ZNF526: variants seen among roughly 807,000 people sequenced by gnomAD.
ZNF526 encodes the protein zinc finger protein 526.
ZNF526 carries 16 observed loss-of-function variants against 32.4 expected under a neutral mutation model. The ratio of observed to expected loss-of-function variants is 0.49; its 90% CI spans 0.33 to 0.75. ZNF526 has a LOEUF of 0.75. Ranked by LOEUF, ZNF526 falls within the 30% of genes least tolerant of loss-of-function variation. The pLI is 0.02. For synonymous variants in ZNF526, 355 were observed against 363.4 expected (o/e 0.98, Z 0.26); for missense variants, 838 against 920.7 (o/e 0.91, Z 1.16).
Position 42,225,687 on chromosome 19 carries a change from G to GCCCCCCC in ZNF526, c.1287_1288insCCCCCCC (p.Thr430ProfsTer42). The GCCCCCCC allele has an allele frequency of 1.9e-6, 3 of 1,610,608 alleles. No individual in the cohort carries two copies. The highest frequency in any genetic ancestry group is 1.1e-5 in the South Asian group (1 of 90,962). ...CAACAGCTCCCCCAGCTCCAGCGGAGCCCACCCCTCCACCACCACCCCCTG... is the reference window on the plus strand; with the variant it reads ...CAACAGCTCCCCCAGCTCCAGCGGAGCCCCCCCCCCACCCCTCCACCACCACCCCCTG... On this transcript the variant is annotated frameshift_variant, in exon 3 of 3. Coordinates refer to ENST00000301215, the MANE Select transcript of ZNF526 (RefSeq NM_133444.3). LOFTEE classifies it high-confidence loss of function.
At position 42,225,210 on chromosome 19, in the gene ZNF526, T is replaced by C; in HGVS notation, c.807T>C (p.Ala269=). 2 of 1,614,188 alleles carry C rather than the reference T, an allele frequency of 1.2e-6. No individual in the cohort carries two copies. The highest frequency in any genetic ancestry group is 4.5e-5 in the East Asian group (2 of 44,884). ...CTGTGGGAGGTGACGAGTCCACAGC[T>C]GGCTGGGCTCAGGGCTGCGGGGACT... ...DDAVGGDEST[A]GWAQGCGDCP... The change falls in exon 3 of 3, where the codon GCT becomes GCC. Residue 269 remains alanine (A), a synonymous_variant. Coordinates refer to ENST00000301215, the MANE Select transcript of ZNF526 (RefSeq NM_133444.3).
At position 42,225,052 on chromosome 19, in the gene ZNF526, G is replaced by T; in HGVS notation, c.649G>T (p.Gly217Cys). 1 of 1,614,190 alleles carries T rather than the reference G, an allele frequency of 6.2e-7. No individual in the cohort carries two copies. Among genetic ancestry groups the T allele is most frequent in the Non-Finnish European group, 8.5e-7 (1 of 1,180,024 alleles). Residue 217 changes from glycine (G) to cysteine (C), a missense_variant, in exon 3 of 3, where the codon GGC becomes TGC. Gly to Cys is a radical substitution (Grantham distance 159). Transcript: ENST00000301215. ...CCCTGAGGAGTTCTTGGAGCATCAG[G>T]GCACCCACTTTGACTCCCTAGAGAA... ...ATPEEFLEHQ[G>C]THFDSLEKEE...
At chr19:42,223,235 G>A (rs1350889865) in intron 1 of ZNF526, among the ~76,000 whole-genome samples, 1 of 152,236 alleles carries the variant, frequency 6.6e-6, no homozygotes, top group African/African-American at 2.4e-5. Flanking sequence ...TGGGCCGGGT[G>A]TGGTGGCTCA....
intron 1 of ZNF526, among the ~76,000 whole-genome samples, chr19:42,223,813 C>T (rs1419465288): frequency 2.0e-5 from 2 of 97,910 alleles, no homozygotes; most frequent in African/African-American, 3.8e-5. Flanking sequence ...AAGAGTCCAT[C>T]TCAAAAAAAA....
chr19:42,224,765 G>C lies in ZNF526; in HGVS notation c.362G>C (p.Gly121Ala). ...TGCAGCCAGCTCATCCTCTCCCCTG[G>C]GGAGCTCCTGGCCCACCAGGATGCC... ...GECSQLILSPGELLAHQDAHL... is the reference protein window; with the variant it reads ...GECSQLILSPAELLAHQDAHL... The change falls in exon 3 of 3, where the codon GGG becomes GCG. Residue 121 changes from glycine (G) to alanine (A), a missense_variant. By Grantham distance (60) the Gly-to-Ala change is moderately conservative (BLOSUM62 0). Coordinates refer to ENST00000301215, the MANE Select transcript of ZNF526 (RefSeq NM_133444.3). The C allele has an allele frequency of 6.2e-7, 1 of 1,613,980 alleles. No individual in the cohort carries two copies. Among genetic ancestry groups the C allele is most frequent in the East Asian group, 2.2e-5 (1 of 44,884 alleles).
rs986845282 is a variant in ZNF526 at position 42,227,549 on chromosome 19, G to A, written c.*1133G>A. Reference sequence around the variant, plus strand: ...CGAGGCGGGCAGATCACGAGGTCAGGAGATCGAGACCATCCTGGCTAACAC... The same window carrying A: ...CGAGGCGGGCAGATCACGAGGTCAGAAGATCGAGACCATCCTGGCTAACAC... On this transcript the variant is annotated 3_prime_UTR_variant, in exon 3 of 3. Transcript: ENST00000301215. 2 of 163,912 alleles carry A rather than the reference G, an allele frequency of 1.2e-5. No individual in the cohort carries two copies. Among genetic ancestry groups the A allele is most frequent in the South Asian group, 4.2e-4 (2 of 4,808 alleles). 10.2% of individuals were successfully genotyped at this position (163,912 alleles called of 1,614,324 possible). A position where few individuals can be genotyped will look rare whatever the true frequency, so the allele number is the denominator to read the frequency against.
rs114732468 is a variant in ZNF526, at chr19:42,226,857, T to C, written c.*441T>C. ...GCACCCAGGACTTTGCTCTGCCTGG[T>C]GGAGGGTACTTGATTTCTCTGGGCT... On this transcript the variant is annotated 3_prime_UTR_variant, in exon 3 of 3. Coordinates refer to ENST00000301215, the MANE Select transcript of ZNF526 (RefSeq NM_133444.3). 3.9e-4 allele frequency: 112 copies of C among 284,248 alleles called. No homozygotes were observed. The highest frequency in any genetic ancestry group is 2.4e-3 in the African/African-American group (108 of 45,598). The allele number at this position is 284,248 out of a possible 1,614,324, so 17.6% of individuals were successfully genotyped here. A position where few individuals can be genotyped will look rare whatever the true frequency, so the allele number is the denominator to read the frequency against.
intron 1 of ZNF526, among the ~76,000 whole-genome samples, chr19:42,221,408 G>A (rs1363442496): frequency 6.6e-6 from 1 of 152,130 alleles, no homozygotes; most frequent in Non-Finnish European, 1.5e-5. Context: ...CATGGTGGGT[G>A]GATTTCTTGA....
rs769095866 is a variant in ZNF526, at chr19:42,226,928, C to T, written c.*512C>T. Reference sequence around the variant, plus strand: ...AGTGTGGAAGGAAATCTGTAGGTACCCAGGTCCTCAGCTCCAGACTGGGTG... The same window carrying T: ...AGTGTGGAAGGAAATCTGTAGGTACTCAGGTCCTCAGCTCCAGACTGGGTG... On this transcript the variant is annotated 3_prime_UTR_variant, in exon 3 of 3. Coordinates refer to ENST00000301215, the MANE Select transcript of ZNF526 (RefSeq NM_133444.3). 2.1e-5 allele frequency: 5 copies of T among 237,490 alleles called. No homozygotes were observed. The highest frequency in any genetic ancestry group is 3.6e-5 in the Non-Finnish European group (4 of 110,496). 14.7% of individuals were successfully genotyped at this position (237,490 alleles called of 1,614,324 possible). A position where few individuals can be genotyped will look rare whatever the true frequency, so the allele number is the denominator to read the frequency against.
rs1053469779 is a variant in ZNF526 at position 42,227,685 on chromosome 19, G to A, written c.*1269G>A. On this transcript the variant is annotated 3_prime_UTR_variant, in exon 3 of 3. Transcript: ENST00000301215. ...GAGGCAGGAGAATGGCGTGAACCCGGGAGGCGGAGCTTGCAGTGAGCCGAG... is the reference window on the plus strand; with the variant it reads ...GAGGCAGGAGAATGGCGTGAACCCGAGAGGCGGAGCTTGCAGTGAGCCGAG... 6.6e-6 allele frequency: 1 copy of A among 151,800 alleles called. No individual in the cohort carries two copies. Among genetic ancestry groups the A allele is most frequent in the African/African-American group, 2.4e-5 (1 of 41,280 alleles). 9.4% of individuals were successfully genotyped at this position (151,800 alleles called of 1,614,324 possible). A position where few individuals can be genotyped will look rare whatever the true frequency, so the allele number is the denominator to read the frequency against.
chr19:42,225,091 G>A lies in ZNF526; in HGVS notation c.688G>A (p.Gly230Arg). 2 of 1,614,222 alleles carry A rather than the reference G, an allele frequency of 1.2e-6. No homozygotes were observed. The highest frequency in any genetic ancestry group is 1.7e-6 in the Non-Finnish European group (2 of 1,180,032). The change falls in exon 3 of 3, where the codon GGG becomes AGG. Residue 230 changes from glycine (G) to arginine (R), a missense_variant. Transcript: ENST00000301215. ...CTCCCTAGAGAAAGAGGAGCGCAAT[G>A]GGTTGGAGGAGGAGGAAGAGGACGA... ...FDSLEKEERN[G>R]LEEEEEDDEE...
At chr19:42,223,764 C>G (rs2036144116) in intron 1 of ZNF526, among the ~76,000 whole-genome samples, 1 of 146,758 alleles carries the variant, frequency 6.8e-6, no homozygotes, top group Non-Finnish European at 1.5e-5. Context: ...TTGTAGTGAG[C>G]CGAGATTGCG....
Position 42,224,602 on chromosome 19 carries a change from A to G in ZNF526, c.199A>G (p.Asn67Asp). Residue 67 changes from asparagine to aspartate, a missense_variant, in exon 3 of 3, where the codon AAC becomes GAC. Coordinates refer to ENST00000301215, the MANE Select transcript of ZNF526 (RefSeq NM_133444.3). ...GTGCTCTGAGTGTGGCAGCCTCTAT[A>G]ACACACTGGAGGAAGTCCTCTCACA... ...FMCSECGSLY[N>D]TLEEVLSHQE... The G allele has an allele frequency of 1.9e-6, 3 of 1,614,168 alleles. No homozygotes were observed. The highest frequency in any genetic ancestry group is 2.5e-6 in the Non-Finnish European group (3 of 1,180,022).
At chr19:42,222,887 C>A (rs961717935) in intron 1 of ZNF526, among the ~76,000 whole-genome samples, 39 of 150,696 alleles carry the variant, frequency 2.6e-4, no homozygotes, top group Non-Finnish European at 4.8e-4. Context: ...GGAATAGCAA[C>A]ATCAAAGACT....
Position 42,226,495 on chromosome 19 carries a change from G to T in ZNF526, c.*79G>T. The T allele has an allele frequency of 6.3e-7, 1 of 1,598,916 alleles. No individual in the cohort carries two copies. The highest frequency in any genetic ancestry group is 1.1e-5 in the South Asian group (1 of 90,134). The stretch of plus-strand genomic sequence containing the variant: ...CCTCTGGGGAGAGAGGACCTCCTCT[G>T]ACAAACTGGTCTGGTACCCACCATG... On this transcript the variant is annotated 3_prime_UTR_variant, in exon 3 of 3. Coordinates refer to ENST00000301215, the MANE Select transcript of ZNF526 (RefSeq NM_133444.3).
rs1283724431 is a variant in ZNF526, at chr19:42,225,236, G to A, written c.833G>A (p.Cys278Tyr). ...TAGWAQGCGD[C>Y]PQHQPSAGAR... The stretch of plus-strand genomic sequence containing the variant: ...GGCTGGGCTCAGGGCTGCGGGGACT[G>A]TCCCCAGCACCAGCCCTCAGCAGGG... The change falls in exon 3 of 3, where the codon TGT (cysteine) becomes TAT (tyrosine). Residue 278 changes from cysteine (C) to tyrosine (Y), a missense_variant. By Grantham distance (194) the Cys-to-Tyr change is radical. Transcript: ENST00000301215. The A allele has an allele frequency of 6.2e-7, 1 of 1,614,012 alleles. No homozygotes were observed. The highest frequency in any genetic ancestry group is 1.3e-5 in the African/African-American group (1 of 74,946).
rs1177162575 is a variant in ZNF526, at chr19:42,225,867, C to T, written c.1464C>T (p.Arg488=). 1.9e-6 allele frequency: 3 copies of T among 1,614,214 alleles called. No individual in the cohort carries two copies. The South Asian group carries it at 3.3e-5, about 18-fold the overall frequency. The part of the protein sequence containing the change: ...GKGFKKLIHV[R]NHLRTHTGER... ...GCTTCAAGAAGCTGATCCACGTGCG[C>T]AACCACCTGCGGACACACACGGGTG... Residue 488 remains arginine, a synonymous_variant, in exon 3 of 3, where the codon CGC becomes CGT. Transcript: ENST00000301215.
At position 42,225,261 on chromosome 19, in the gene ZNF526, G is replaced by T. The variant is rs2036163952; in HGVS notation, c.858G>T (p.Gly286=). ...GTCCCCAGCACCAGCCCTCAGCAGG[G>T]GCTCGCCGGCAACACCGGCGGACGG... ...GDCPQHQPSA[G]ARRQHRRTAH... Residue 286 remains glycine (G), a synonymous_variant, in exon 3 of 3, where the codon GGG becomes GGT. Coordinates refer to ENST00000301215, the MANE Select transcript of ZNF526 (RefSeq NM_133444.3). 6.2e-7 allele frequency: 1 copy of T among 1,613,492 alleles called. No homozygotes were observed. Among genetic ancestry groups the T allele is most frequent in the Admixed American group, 1.7e-5 (1 of 59,978 alleles).
chr19:42,225,506 G>A lies in ZNF526; in HGVS notation c.1103G>A (p.Gly368Asp). 1 of 1,613,924 alleles carries A rather than the reference G, an allele frequency of 6.2e-7. No individual in the cohort carries two copies. Among genetic ancestry groups the A allele is most frequent in the Non-Finnish European group, 8.5e-7 (1 of 1,179,830 alleles). ...ARYLCVDCGR[G>D]FGTELTLVAH... ...TACCTCTGTGTAGACTGTGGCCGCG[G>A]CTTTGGCACAGAACTCACGTTGGTG... Residue 368 changes from glycine (G) to aspartate (D), a missense_variant, in exon 3 of 3, where the codon GGC becomes GAC. Physicochemically the swap from Gly to Asp is moderately conservative, Grantham distance 94. Coordinates refer to ENST00000301215, the MANE Select transcript of ZNF526 (RefSeq NM_133444.3).
Sources: allele counts gnomAD v4.1 joint callset (sites outside exome capture counted in the v4.1 genomes callset), GRCh38; gene constraint gnomAD v4.1.1; transcripts MANE v1.5; gene names NCBI Gene and HGNC (gene_info 2026-07-23, HGNC 2026-07-21).